The following BRINP2 variants were observed in gnomAD, a reference collection of about 807,000 sequenced individuals.
The protein encoded by BRINP2 is BMP/retinoic acid-inducible neural-specific protein 2.
BRINP2 carries 21 observed loss-of-function variants against 69.2 expected under a neutral mutation model. The ratio of observed to expected loss-of-function variants is 0.30; its 90% CI spans 0.22 to 0.44. BRINP2 has a LOEUF of 0.44. Among genes scored for constraint, BRINP2 ranks in the 20% least tolerant of loss-of-function variants. BRINP2 has a pLI of 1.00. For missense variants in BRINP2, 877 were observed against 986.0 expected (o/e 0.89, Z 1.48); for synonymous variants, 380 against 394.1 (o/e 0.96, Z 0.42).
chr1:177,206,496 G>A (rs757240457), intron 1 of BRINP2, among the ~76,000 whole-genome samples: 16 of 152,182 alleles, frequency 1.1e-4, no homozygotes, highest in Non-Finnish European at 5.9e-5. Flanking sequence ...TAATTGTCCA[G>A]ATGTAGACTT....
intron 2 of BRINP2, among the ~76,000 whole-genome samples, chr1:177,233,173 TA>T (rs1403298074): frequency 3.3e-5 from 5 of 152,340 alleles, no homozygotes; most frequent in South Asian, 2.1e-4. Context: ...GCAGCCTCTC[TA>T]ATCACGGACC....
At chr1:177,248,431 C>G (rs1209089401) in intron 2 of BRINP2, among the ~76,000 whole-genome samples, 1 of 150,626 alleles carries the variant, frequency 6.6e-6, no homozygotes, top group African/African-American at 2.5e-5. Flanking sequence ...CACTGAGGTA[C>G]AGTTTGTGTG....
chr1:177,213,936 A>G (rs997600970), intron 1 of BRINP2, among the ~76,000 whole-genome samples: 2 of 152,218 alleles, frequency 1.3e-5, no homozygotes, highest in Non-Finnish European at 2.9e-5. Flanking sequence ...TTATTACCAC[A>G]TTTTACAAAA....
chr1:177,265,182 C>G (rs1246347257), intron 4 of BRINP2, among the ~76,000 whole-genome samples: 1 of 152,102 alleles, frequency 6.6e-6, no homozygotes, highest in Non-Finnish European at 1.5e-5. Context: ...TTTGACAAAC[C>G]TGACAAAAAC....
At chr1:177,241,465 C>A (rs1650202801) in intron 2 of BRINP2, among the ~76,000 whole-genome samples, 1 of 152,186 alleles carries the variant, frequency 6.6e-6, no homozygotes, top group African/African-American at 2.4e-5. Flanking sequence ...TTCCTAGACT[C>A]GTTAGCGCTT....
At chr1:177,256,553 G>A (rs1650764908) in intron 3 of BRINP2, 1 of 985,424 alleles carries the variant, frequency 1.0e-6, no homozygotes, top group Non-Finnish European at 1.2e-6. Flanking sequence ...CAGTAGTTCT[G>A]GGCTGATGAA....
At chr1:177,257,789 T>G (rs1650818298) in intron 4 of BRINP2, among the ~76,000 whole-genome samples, 1 of 152,162 alleles carries the variant, frequency 6.6e-6, no homozygotes, top group African/African-American at 2.4e-5. Flanking sequence ...GGAGGGCACT[T>G]TGGGGTTTAG....
intron 1 of BRINP2, among the ~76,000 whole-genome samples, chr1:177,194,318 G>T (rs1232532328): frequency 6.6e-6 from 1 of 152,074 alleles, no homozygotes; most frequent in East Asian, 1.9e-4. Context: ...CTTAGTCCTG[G>T]TTCCTTCTAT....
At chr1:177,247,513 A>G (rs1044719342) in intron 2 of BRINP2, among the ~76,000 whole-genome samples, 3 of 152,254 alleles carry the variant, frequency 2.0e-5, no homozygotes, top group Non-Finnish European at 4.4e-5. Context: ...TATTTTATTC[A>G]ATAACATGTC....
chr1:177,196,490 T>A (rs894208724), intron 1 of BRINP2, among the ~76,000 whole-genome samples: 8 of 152,062 alleles, frequency 5.3e-5, no homozygotes, highest in African/African-American at 1.9e-4. Context: ...TGGTGGTGCA[T>A]GCCTGTAATC....
At position 177,270,126 on chromosome 1, in the gene BRINP2, C is replaced by T. The variant is rs549747400; in HGVS notation, c.670-3362C>T. 5.3e-5 allele frequency among the ~76,000 whole-genome samples: 8 copies of T among 151,436 alleles called. No homozygotes were observed. In the East Asian group the frequency reaches 1.6e-3, roughly 30 times the overall value. On this transcript the variant is annotated intron_variant, in intron 4 of 7. Coordinates refer to ENST00000361539, the MANE Select transcript of BRINP2 (RefSeq NM_021165.4). ...GCTATTCTGCTTACTCAAGTCAGTACTCAGGCAATAACTGCAATGGGACCC... is the reference window on the plus strand; with the variant it reads ...GCTATTCTGCTTACTCAAGTCAGTATTCAGGCAATAACTGCAATGGGACCC...
intron 4 of BRINP2, among the ~76,000 whole-genome samples, chr1:177,270,000 C>A (rs972354624): frequency 1.3e-5 from 2 of 148,892 alleles, no homozygotes; most frequent in African/African-American, 4.9e-5. Flanking sequence ...AAGCTGTCTG[C>A]CTCTTCTACA....
chr1:177,262,318 C>G (rs972904359), intron 4 of BRINP2, among the ~76,000 whole-genome samples: 1 of 152,044 alleles, frequency 6.6e-6, no homozygotes, highest in Non-Finnish European at 1.5e-5. Flanking sequence ...TCAAGACCAT[C>G]CTTGCCAACA....
Position 177,280,458 on chromosome 1 carries a change from G to T in BRINP2, c.1282G>T (p.Gly428Trp), listed in dbSNP as rs1272185266. ...CCGAATCCAGTCCCTCCTCTACTGT[G>T]GGGAAAGCACCTTTCCTGGCACTTT... The part of the protein sequence containing the change: ...WNRIQSLLYC[G>W]ESTFPGTFLE... The change falls in exon 8 of 8, where the codon GGG (glycine) becomes TGG (tryptophan). Residue 428 changes from glycine (G) to tryptophan (W), a missense_variant. By Grantham distance (184) the Gly-to-Trp change is radical (BLOSUM62 -2). This residue lies in a region of BRINP2 where 566 missense variants were observed against 625.2 expected (regional missense o/e 0.91). Transcript: ENST00000361539. 1 of 1,613,772 alleles carries T rather than the reference G, an allele frequency of 6.2e-7. No individual in the cohort carries two copies. Among genetic ancestry groups the T allele is most frequent in the Non-Finnish European group, 8.5e-7 (1 of 1,179,854 alleles).
At chr1:177,213,272 A>G (rs1361429153) in intron 1 of BRINP2, among the ~76,000 whole-genome samples, 6 of 152,132 alleles carry the variant, frequency 3.9e-5, no homozygotes, top group Admixed American at 3.9e-4. Context: ...GGAATTATTT[A>G]TGGTGGAGAG....
intron 2 of BRINP2, among the ~76,000 whole-genome samples, chr1:177,233,366 G>T (rs1649921144): frequency 6.6e-6 from 1 of 152,060 alleles, no homozygotes; most frequent in Non-Finnish European, 1.5e-5. Flanking sequence ...TGTAAAGTGG[G>T]GACAGTAATA....
chr1:177,224,062 C>T (rs1225714558), intron 1 of BRINP2, among the ~76,000 whole-genome samples: 1 of 152,200 alleles, frequency 6.6e-6, no homozygotes, highest in Non-Finnish European at 1.5e-5. Flanking sequence ...GCTGATAGCA[C>T]CCCCACATCC....
chr1:177,207,325 A>G (rs371351160), intron 1 of BRINP2, among the ~76,000 whole-genome samples: 27 of 152,178 alleles, frequency 1.8e-4, no homozygotes, highest in African/African-American at 6.0e-4. Context: ...AAACTTTGAG[A>G]AAACTTTGAA....
At chr1:177,275,672 G>A (rs1651468540) in intron 5 of BRINP2, among the ~76,000 whole-genome samples, 1 of 152,154 alleles carries the variant, frequency 6.6e-6, no homozygotes, top group East Asian at 1.9e-4. Flanking sequence ...CTCTTAACCA[G>A]GACAGCTTCC....
Sources: gnomAD v4.1 joint callset for allele counts (sites outside exome capture counted in the v4.1 genomes callset) on GRCh38, gnomAD v4.1.1 for gene constraint, gnomAD v4.1.1 regional missense constraint, MANE v1.5 for transcripts, NCBI Gene and HGNC (gene_info 2026-07-23, HGNC 2026-07-21) for gene names.